Variants in ISM1 observed in about 807,000 individuals in gnomAD.
ISM1 encodes isthmin 1, also known as isthmin-1.
In ISM1, 25 loss-of-function variants were observed where a neutral mutation model predicts 46.3. The ratio of observed to expected loss-of-function variants is 0.54; its 90% confidence interval spans 0.39 to 0.75. The LOEUF (loss-of-function observed/expected upper bound fraction) is 0.75, where lower values mean the gene tolerates loss of function less well. ISM1 is among the 30% of genes least tolerant of loss of function. ISM1 has a pLI of 0.00. For synonymous variants in ISM1, 255 were observed against 256.7 expected (o/e 0.99, Z 0.06); for missense variants, 536 against 625.4 (o/e 0.86, Z 1.52).
intron 1 of ISM1, among the ~76,000 whole-genome samples, chr20:13,235,425 C>T (rs2039636602): frequency 6.6e-6 from 1 of 152,128 alleles, no homozygotes; most frequent in African/African-American, 2.4e-5. Context: ...AAAATCCTTA[C>T]ACTTCTCTAC....
intron 1 of ISM1, among the ~76,000 whole-genome samples, chr20:13,265,137 C>A (rs2040029098): frequency 1.3e-5 from 2 of 152,172 alleles, no homozygotes; most frequent in Admixed American, 1.3e-4. Flanking sequence ...AGCTCTGAAA[C>A]CCTTTGGATC....
At chr20:13,310,613 A>G in the ISM1 span, among the ~76,000 whole-genome samples, 1 of 152,224 alleles carries the variant, frequency 6.6e-6, no homozygotes, top group Non-Finnish European at 1.5e-5. Context: ...CTAAGGAAGC[A>G]ATCAACAGAG....
rs759260600 is a variant in ISM1 at position 13,299,059 on chromosome 20, A to G, written c.995A>G (p.Tyr332Cys). ...CPCSYPTEVAYSTADIFDRIK... is the reference protein window; with the variant it reads ...CPCSYPTEVACSTADIFDRIK... ...TGCTCCTACCCCACTGAGGTGGCCT[A>G]CAGCACGGCCGACATCTTCGACCGC... The change falls in exon 6 of 6, where the codon TAC (tyrosine) becomes TGC (cysteine). Residue 332 changes from tyrosine (Y) to cysteine (C), a missense_variant. Tyr to Cys is a radical substitution (Grantham distance 194). Around this residue, in one of 2 missense-constraint regions of ISM1, gnomAD observed 169 missense variants for 249.3 expected, o/e 0.68. Transcript: ENST00000262487. This position sits in a 1 kb window ranked among gnomAD's most constrained non-coding sequence, Gnocchi z 5.8. The G allele has an allele frequency of 2.5e-6, 4 of 1,613,856 alleles. No individual in the cohort carries two copies. The highest frequency in any genetic ancestry group is 3.4e-6 in the Non-Finnish European group (4 of 1,179,846).
chr20:13,268,926 C>T (rs2040078997), intron 1 of ISM1, among the ~76,000 whole-genome samples: 1 of 152,076 alleles, frequency 6.6e-6, no homozygotes, highest in African/African-American at 2.4e-5. Context: ...AAAAATGACA[C>T]ATAAATAAAA....
chr20:13,248,804 G>A (rs970939190), intron 1 of ISM1, among the ~76,000 whole-genome samples: 6 of 152,192 alleles, frequency 3.9e-5, no homozygotes, highest in Non-Finnish European at 4.4e-5. Context: ...GGGGGTGAGC[G>A]GGGGAAGCCA....
At chr20:13,226,994 A>G (rs2039533215) in intron 1 of ISM1, among the ~76,000 whole-genome samples, 1 of 152,186 alleles carries the variant, frequency 6.6e-6, no homozygotes, top group Non-Finnish European at 1.5e-5. Context: ...TTTAGAACCC[A>G]TAGTGCAAGG....
chr20:13,315,454 A>T, the ISM1 span, among the ~76,000 whole-genome samples: 1 of 152,074 alleles, frequency 6.6e-6, no homozygotes, highest in South Asian at 2.1e-4. Context: ...TTGTTACGTG[A>T]TGATAAAAGG....
At chr20:13,288,298 T>G (rs1267576051) in intron 3 of ISM1, among the ~76,000 whole-genome samples, 2 of 152,174 alleles carry the variant, frequency 1.3e-5, no homozygotes, top group Non-Finnish European at 2.9e-5. Context: ...AGTAAGTGTT[T>G]TCTGGGCACC....
chr20:13,229,538 T>C (rs1433790163), intron 1 of ISM1, among the ~76,000 whole-genome samples: 1 of 152,246 alleles, frequency 6.6e-6, no homozygotes, highest in East Asian at 1.9e-4. Context: ...GTCCACTGTG[T>C]AACTCTATCA....
At chr20:13,277,645 T>C (rs1365279389) in intron 2 of ISM1, among the ~76,000 whole-genome samples, 3 of 62,664 alleles carry the variant, frequency 4.8e-5, no homozygotes, top group African/African-American at 4.6e-4. Flanking sequence ...CCCCTACCCT[T>C]TTTTTTTTTT....
At chr20:13,247,501 TG>T (rs974915143) in intron 1 of ISM1, among the ~76,000 whole-genome samples, 5 of 149,468 alleles carry the variant, frequency 3.3e-5, no homozygotes, top group Non-Finnish European at 7.4e-5. Context: ...ACAGCATTTC[TG>T]GCAGCAAAGT....
At chr20:13,317,582 A>C in the ISM1 span, among the ~76,000 whole-genome samples, 1 of 152,130 alleles carries the variant, frequency 6.6e-6, no homozygotes, top group Non-Finnish European at 1.5e-5. Flanking sequence ...TAGTACTGAC[A>C]AAAGAATAGG....
the ISM1 span, among the ~76,000 whole-genome samples, chr20:13,309,430 A>G: frequency 6.6e-6 from 1 of 152,298 alleles, no homozygotes; most frequent in East Asian, 1.9e-4. Context: ...CCTCAACACA[A>G]TCAAGACCAT....
At chr20:13,266,579 C>T (rs948992716) in intron 1 of ISM1, among the ~76,000 whole-genome samples, 1 of 152,102 alleles carries the variant, frequency 6.6e-6, no homozygotes, top group African/African-American at 2.4e-5. Flanking sequence ...TCGATGTTAA[C>T]TCATAGATTG....
intron 1 of ISM1, among the ~76,000 whole-genome samples, chr20:13,230,743 G>C (rs1263380716): frequency 6.8e-6 from 1 of 147,040 alleles, no homozygotes; most frequent in Admixed American, 6.8e-5. Context: ...GGAATGTGTT[G>C]TAGAAAAAAA....
chr20:13,233,673 A>G (rs1043703698), intron 1 of ISM1, among the ~76,000 whole-genome samples: 1 of 152,060 alleles, frequency 6.6e-6, no homozygotes, highest in East Asian at 1.9e-4. Context: ...GGAAATTCTG[A>G]CCTTCTGGGC....
chr20:13,317,688 G>A, the ISM1 span, among the ~76,000 whole-genome samples: 1 of 152,080 alleles, frequency 6.6e-6, no homozygotes, highest in Non-Finnish European at 1.5e-5. Context: ...CAACACAGTG[G>A]AGAAAGGAGT....
intron 1 of ISM1, among the ~76,000 whole-genome samples, chr20:13,234,575 T>C (rs1400813474): frequency 6.6e-6 from 1 of 152,214 alleles, no homozygotes; most frequent in Non-Finnish European, 1.5e-5. Flanking sequence ...CCACCAACAG[T>C]GTATAAGTGT....
intron 4 of ISM1, among the ~76,000 whole-genome samples, chr20:13,291,778 G>A (rs2040355399): frequency 6.6e-6 from 1 of 152,166 alleles, no homozygotes; most frequent in African/African-American, 2.4e-5. Flanking sequence ...CATCCTCAGT[G>A]AGCTAGACAA....
Sources: allele counts gnomAD v4.1 joint callset (sites outside exome capture counted in the v4.1 genomes callset), GRCh38; gene constraint gnomAD v4.1.1; regional missense constraint gnomAD v4.1.1; non-coding constraint Gnocchi (gnomAD v3.1); transcripts MANE v1.5; gene names NCBI Gene and HGNC (gene_info 2026-07-23, HGNC 2026-07-21).